Variants in CLSTN2 observed in about 807,000 individuals in gnomAD.
CLSTN2 encodes calsyntenin 2.
In CLSTN2, 48 loss-of-function variants were observed where a neutral mutation model predicts 101.2. The ratio of observed to expected loss-of-function variants is 0.47; its 90% CI spans 0.38 to 0.60. CLSTN2 has a LOEUF of 0.60. Ranked by LOEUF, CLSTN2 falls within the 20% of genes least tolerant of loss-of-function variation. The pLI, the probability that CLSTN2 is intolerant of heterozygous loss-of-function variation, is 0.00. For synonymous variants in CLSTN2, 481 were observed against 463.6 expected, an observed-to-expected ratio of 1.04 and a Z score of -0.48; for missense variants, 1,160 against 1,238.2, an observed-to-expected ratio of 0.94 and a Z score of 0.95.
intron 1 of CLSTN2, among the ~76,000 whole-genome samples, chr3:140,076,206 C>T (rs574267779): frequency 1.3e-4 from 20 of 152,278 alleles, no homozygotes; most frequent in Middle Eastern, 6.8e-3. Flanking sequence ...ATGTTCTTCG[C>T]GTTCATCCTT....
chr3:140,318,589 A>G (rs892640798), intron 2 of CLSTN2, among the ~76,000 whole-genome samples: 1 of 152,202 alleles, frequency 6.6e-6, no homozygotes, highest in Non-Finnish European at 1.5e-5. Context: ...AAAGTTTGCT[A>G]CTGCTAAAAG....
intron 1 of CLSTN2, among the ~76,000 whole-genome samples, chr3:140,069,686 G>A (rs6439893): frequency 0.41 from 62,528 of 151,970 alleles, 14,934 homozygotes; most frequent in African/African-American, 0.64. Context: ...CCCTTATAGC[G>A]CATGTTGGCA....
At chr3:140,482,798 T>A (rs1934149144) in intron 8 of CLSTN2, among the ~76,000 whole-genome samples, 1 of 152,372 alleles carries the variant, frequency 6.6e-6, no homozygotes, top group Non-Finnish European at 1.5e-5. Flanking sequence ...ATCCCCTTTA[T>A]CATTTTTCAT....
At chr3:139,995,455 CT>C (rs899001820) in intron 1 of CLSTN2, among the ~76,000 whole-genome samples, 60 of 152,230 alleles carry the variant, frequency 3.9e-4, no homozygotes, top group African/African-American at 1.3e-3. Flanking sequence ...GTTTCATGGA[CT>C]TCTCATCCTT....
At chr3:140,150,063 T>C (rs767756680) in intron 1 of CLSTN2, among the ~76,000 whole-genome samples, 1 of 152,186 alleles carries the variant, frequency 6.6e-6, no homozygotes, top group African/African-American at 2.4e-5. Context: ...TCAGTGAAGA[T>C]AGAGGTGAAT....
At chr3:140,130,725 G>A (rs762742755) in intron 1 of CLSTN2, among the ~76,000 whole-genome samples, 6 of 152,140 alleles carry the variant, frequency 3.9e-5, no homozygotes, top group Non-Finnish European at 8.8e-5. Flanking sequence ...CAGCCTGAAG[G>A]GTCCTGGAGG....
chr3:140,355,171 T>C (rs1178342090), intron 2 of CLSTN2, among the ~76,000 whole-genome samples: 2 of 152,164 alleles, frequency 1.3e-5, no homozygotes, highest in Non-Finnish European at 2.9e-5. Context: ...TGTGCATGGA[T>C]AAAAAAAGTA....
chr3:140,243,017 C>T (rs1390627374), intron 2 of CLSTN2, among the ~76,000 whole-genome samples: 1 of 152,220 alleles, frequency 6.6e-6, no homozygotes, highest in Non-Finnish European at 1.5e-5. Context: ...GAAATCTTGC[C>T]AAGCTACTGC....
chr3:140,209,412 A>AT (rs1411340714), intron 2 of CLSTN2, among the ~76,000 whole-genome samples: 13 of 152,218 alleles, frequency 8.5e-5, no homozygotes, highest in Non-Finnish European at 1.5e-4. Flanking sequence ...AGGGATTTTT[A>AT]TTTTTTAAAA....
intron 1 of CLSTN2, among the ~76,000 whole-genome samples, chr3:140,146,658 G>T (rs2009785122): frequency 6.6e-6 from 1 of 152,210 alleles, no homozygotes; most frequent in Non-Finnish European, 1.5e-5. Flanking sequence ...AAGAAGAAAA[G>T]ATCTTAGTCC....
chr3:139,944,876 C>G (rs1256127754), intron 1 of CLSTN2, among the ~76,000 whole-genome samples: 1 of 152,230 alleles, frequency 6.6e-6, no homozygotes, highest in Admixed American at 6.5e-5. Context: ...GTTTAAAATA[C>G]TCGCTTCCGC....
At chr3:140,500,841 A>G (rs1213371109) in intron 8 of CLSTN2, among the ~76,000 whole-genome samples, 1 of 152,210 alleles carries the variant, frequency 6.6e-6, no homozygotes, top group Non-Finnish European at 1.5e-5. Flanking sequence ...TATTAATGGA[A>G]AATGATTAGT....
chr3:140,385,505 A>G (rs2088041335), intron 2 of CLSTN2, among the ~76,000 whole-genome samples: 1 of 151,454 alleles, frequency 6.6e-6, no homozygotes, highest in South Asian at 2.1e-4. Context: ...AGTAGCTGGG[A>G]CTACAGGTGC....
chr3:140,177,751 G>A (rs969865116), intron 2 of CLSTN2, among the ~76,000 whole-genome samples: 33 of 152,142 alleles, frequency 2.2e-4, no homozygotes, highest in Admixed American at 1.1e-3. Context: ...AACTCTGATT[G>A]CACCAACTGC....
chr3:140,162,633 C>T (rs769787818), intron 1 of CLSTN2, among the ~76,000 whole-genome samples: 20 of 152,044 alleles, frequency 1.3e-4, no homozygotes, highest in African/African-American at 4.1e-4. Context: ...GGCTGGGTGG[C>T]GGGGGCCTTT....
chr3:140,423,188 G>A (rs1271101620), intron 5 of CLSTN2, among the ~76,000 whole-genome samples: 6 of 152,168 alleles, frequency 3.9e-5, no homozygotes, highest in Admixed American at 3.9e-4. Context: ...AACAGAATTT[G>A]TACTTATTAA....
intron 2 of CLSTN2, among the ~76,000 whole-genome samples, chr3:140,256,047 T>C (rs2086601146): frequency 6.6e-6 from 1 of 152,216 alleles, no homozygotes; most frequent in South Asian, 2.1e-4. Context: ...ATATTCCCTT[T>C]TCCCACATTT....
At chr3:140,057,149 G>A (rs1484549894) in intron 1 of CLSTN2, among the ~76,000 whole-genome samples, 1 of 152,238 alleles carries the variant, frequency 6.6e-6, no homozygotes, top group Non-Finnish European at 1.5e-5. Context: ...CTGAAGCCAT[G>A]CATATGGAGG....
chr3:140,253,263 G>C (rs1404210534), intron 2 of CLSTN2, among the ~76,000 whole-genome samples: 2 of 152,124 alleles, frequency 1.3e-5, no homozygotes, highest in African/African-American at 4.8e-5. Flanking sequence ...GTAGGGGCTA[G>C]TCAAGGTCAG....
Sources: gnomAD v4.1 joint callset for allele counts (sites outside exome capture counted in the v4.1 genomes callset) on GRCh38, gnomAD v4.1.1 for gene constraint, MANE v1.5 for transcripts, NCBI Gene and HGNC (gene_info 2026-07-23, HGNC 2026-07-21) for gene names.